Variants in SV2C observed in about 807,000 individuals in gnomAD.
SV2C encodes the protein synaptic vesicle glycoprotein 2C, also known as solute carrier family 22 member B3.
In SV2C, 49 loss-of-function variants were observed where a neutral mutation model predicts 79.7. That is an observed-to-expected ratio of 0.61 (90% CI 0.49 to 0.78). SV2C has a LOEUF of 0.78. SV2C is among the 30% of genes least tolerant of loss of function. The probability of loss-of-function intolerance (pLI) is 0.00; values close to 1 mark genes in which losing one functional copy is unlikely to be tolerated. For synonymous variants in SV2C, 334 were observed against 333.2 expected, an observed-to-expected ratio of 1.00 and a Z score of -0.03; for missense variants, 833 against 912.9, an observed-to-expected ratio of 0.91 and a Z score of 1.13.
intron 1 of SV2C, among the ~76,000 whole-genome samples, chr5:76,130,036 C>T (rs11742641): frequency 6.6e-6 from 1 of 151,304 alleles, no homozygotes; most frequent in East Asian, 2.0e-4. Flanking sequence ...TCTTGAGTTT[C>T]TGAGCACCCC....
the SV2C span, among the ~76,000 whole-genome samples, chr5:75,980,861 A>G: frequency 3.3e-5 from 5 of 152,188 alleles, no homozygotes; most frequent in African/African-American, 7.2e-5. Context: ...GGTCCTGGCC[A>G]GGGCAATCAG....
chr5:75,905,815 G>T, the SV2C span, among the ~76,000 whole-genome samples: 1 of 151,450 alleles, frequency 6.6e-6, no homozygotes, highest in East Asian at 1.9e-4. Flanking sequence ...GTATTGTTCT[G>T]CCATCTGCAC....
intron 4 of SV2C, among the ~76,000 whole-genome samples, chr5:76,211,071 A>G (rs576327618): frequency 6.6e-6 from 1 of 152,230 alleles, no homozygotes. Flanking sequence ...TGTTCTTGGG[A>G]CTGCCATACA....
intron 12 of SV2C, among the ~76,000 whole-genome samples, chr5:76,339,564 A>C (rs183949291): frequency 3.0e-4 from 45 of 152,240 alleles, no homozygotes; most frequent in Admixed American, 1.1e-3. Flanking sequence ...AATACAAAAA[A>C]TTAACTGGGT....
At chr5:76,083,719 A>G (rs906173234) in intron 1 of SV2C, among the ~76,000 whole-genome samples, 2 of 152,156 alleles carry the variant, frequency 1.3e-5, no homozygotes, top group African/African-American at 4.8e-5. Context: ...CCAGGAAAGT[A>G]GGGGTAAAAT....
At chr5:76,271,272 C>G (rs1465281590) in intron 4 of SV2C, among the ~76,000 whole-genome samples, 1 of 152,060 alleles carries the variant, frequency 6.6e-6, no homozygotes, top group African/African-American at 2.4e-5. Context: ...TATTAGGGTG[C>G]CAGGAAGTAT....
intron 4 of SV2C, among the ~76,000 whole-genome samples, chr5:76,272,472 T>A (rs565781153): frequency 2.6e-4 from 40 of 152,320 alleles, no homozygotes; most frequent in African/African-American, 8.4e-4. Context: ...CTTTTTGGGT[T>A]TTTACGGACA....
chr5:76,309,467 G>T (rs1468502621), intron 12 of SV2C, among the ~76,000 whole-genome samples: 1 of 151,948 alleles, frequency 6.6e-6, no homozygotes, highest in Non-Finnish European at 1.5e-5. Context: ...AGGCATCGTG[G>T]CTGGCGCCTG....
chr5:76,062,622 TG>T, the SV2C span, among the ~76,000 whole-genome samples: 2 of 147,928 alleles, frequency 1.4e-5, no homozygotes, highest in African/African-American at 2.5e-5. Flanking sequence ...TGGTTGTGTC[TG>T]AAAAAAAAAA....
chr5:76,325,317 A>T (rs1748955103), intron 12 of SV2C, 47 bp from the exon 13 acceptor site: 1 of 1,593,362 alleles, frequency 6.3e-7, no homozygotes, highest in South Asian at 1.1e-5. Flanking sequence ...AGTTGGAATC[A>T]TGGGGAGGCA....
the SV2C span, among the ~76,000 whole-genome samples, chr5:75,936,578 G>A: frequency 6.6e-6 from 1 of 152,142 alleles, no homozygotes; most frequent in Non-Finnish European, 1.5e-5. Flanking sequence ...TGACATATGG[G>A]GTGGGCCACA....
At chr5:75,969,889 C>A in the SV2C span, among the ~76,000 whole-genome samples, 1 of 152,108 alleles carries the variant, frequency 6.6e-6, no homozygotes, top group African/African-American at 2.4e-5. Flanking sequence ...AGCATCACAC[C>A]ACACCTATTC....
the SV2C span, among the ~76,000 whole-genome samples, chr5:75,944,888 C>T: frequency 6.6e-6 from 1 of 152,064 alleles, no homozygotes. Flanking sequence ...GCACCTAAAA[C>T]CCCCAAAAAA....
intron 12 of SV2C, among the ~76,000 whole-genome samples, chr5:76,309,625 A>AAAAT (rs1561310612): frequency 7.3e-6 from 1 of 136,908 alleles, no homozygotes; most frequent in East Asian, 2.2e-4. Flanking sequence ...AAAAAAAAAA[A>AAAAT]CAGAAAGAAA....
At chr5:76,099,731 G>A (rs1390823011) in intron 1 of SV2C, among the ~76,000 whole-genome samples, 1 of 152,168 alleles carries the variant, frequency 6.6e-6, no homozygotes, top group African/African-American at 2.4e-5. Flanking sequence ...AGGTAGTTCA[G>A]CTTAACCTTC....
rs536334346 is a variant in SV2C, at chr5:76,285,557, G to A, written c.1048-224G>A. ...AAAACATGATTTATTGTTTTATAGC[G>A]AAATTTTACCATCTGGAGATACTAT... On this transcript the variant is annotated intron_variant, in intron 5 of 12. Coordinates refer to ENST00000502798, the MANE Select transcript of SV2C (RefSeq NM_014979.4). 111 of 619,206 alleles carry A rather than the reference G, an allele frequency of 1.8e-4. 1 individual carries two copies. The highest frequency in any genetic ancestry group is 1.2e-3 in the African/African-American group (63 of 54,406). The allele number at this position is 619,206 out of a possible 1,614,324, so 38.4% of individuals were successfully genotyped here. A position where few individuals can be genotyped will look rare whatever the true frequency, so the allele number is the denominator to read the frequency against.
At chr5:76,277,595 G>A (rs1747060531) in intron 4 of SV2C, among the ~76,000 whole-genome samples, 1 of 152,094 alleles carries the variant, frequency 6.6e-6, no homozygotes, top group Non-Finnish European at 1.5e-5. Context: ...ATAATATGGT[G>A]AAACTCCGTC....
At chr5:76,337,558 T>C (rs1378395807), downstream of SV2C, among the ~76,000 whole-genome samples, 1 of 152,164 alleles carries the variant, frequency 6.6e-6, no homozygotes, top group Non-Finnish European at 1.5e-5. Flanking sequence ...AGAAGTTTGC[T>C]GTGTATATAT....
the SV2C span, among the ~76,000 whole-genome samples, chr5:75,914,312 A>G: frequency 6.6e-6 from 1 of 152,222 alleles, no homozygotes; most frequent in Non-Finnish European, 1.5e-5. Flanking sequence ...TATTTTTATT[A>G]ACATAATTAC....
Sources: allele counts gnomAD v4.1 joint callset (sites outside exome capture counted in the v4.1 genomes callset), GRCh38; gene constraint gnomAD v4.1.1; transcripts MANE v1.5; gene names NCBI Gene and HGNC (gene_info 2026-07-23, HGNC 2026-07-21).